TRPC6: variants seen among roughly 807,000 people sequenced by gnomAD.
TRPC6 encodes transient receptor potential cation channel subfamily C member 6, also known as short transient receptor potential channel 6.
In TRPC6, 55 loss-of-function variants were observed where a neutral mutation model predicts 90.7. That is an observed-to-expected ratio of 0.61 (90% CI 0.49 to 0.76). The LOEUF is 0.76. Ranked by LOEUF, TRPC6 falls within the 30% of genes least tolerant of loss-of-function variation. The probability of loss-of-function intolerance (pLI) is 0.00; values close to 1 mark genes in which losing one functional copy is unlikely to be tolerated. For missense variants in TRPC6, 989 were observed against 1,122.7 expected (o/e 0.88, Z 1.70); for synonymous variants, 393 against 393.0 (o/e 1.00, Z 0.00).
At chr11:101,563,916 G>C (rs193088401) in intron 1 of TRPC6, among the ~76,000 whole-genome samples, 11 of 152,274 alleles carry the variant, frequency 7.2e-5, no homozygotes, top group African/African-American at 2.6e-4. Flanking sequence ...GAGTGAGAAA[G>C]AGATGACCAG....
rs532548161 is a variant in TRPC6, at chr11:101,544,510, G to T, written c.170+38824C>A. ...ACCCATCAATGATATACTTGATAAA[G>T]AAATTGTGGCTCATATACACCATGG... On this transcript the variant is annotated intron_variant, in intron 1 of 12. Coordinates refer to ENST00000344327, the MANE Select transcript of TRPC6 (RefSeq NM_004621.6). Among the ~76,000 whole-genome samples the T allele has an allele frequency of 3.0e-4, 46 of 152,272 alleles. No homozygotes were observed. In the South Asian group the frequency reaches 3.7e-3, roughly 12 times the overall value.
intron 1 of TRPC6, among the ~76,000 whole-genome samples, chr11:101,573,220 T>C (rs1274039415): frequency 6.8e-6 from 1 of 147,270 alleles, no homozygotes; most frequent in Non-Finnish European, 1.5e-5. Context: ...TCACAAATAT[T>C]TCTTGAGTCC....
rs531075195 is a variant in TRPC6 at position 101,518,631 on chromosome 11, G to A, written c.171-13833C>T. Among the ~76,000 whole-genome samples, 63 of 152,258 alleles carry A rather than the reference G, an allele frequency of 4.1e-4. 1 individual carries two copies. The South Asian group carries it at 6.4e-3, about 16-fold the overall frequency. On this transcript the variant is annotated intron_variant, in intron 1 of 12. Transcript: ENST00000344327. The stretch of plus-strand genomic sequence containing the variant: ...TTGGTACTATGAAGAATAGTTTGGA[G>A]GTTCCTCAAAAAACTAAAAATTGAG...
At chr11:101,466,114 C>T (rs1029536770) in intron 10 of TRPC6, among the ~76,000 whole-genome samples, 4 of 152,174 alleles carry the variant, frequency 2.6e-5, no homozygotes, top group Non-Finnish European at 4.4e-5. Context: ...TGCAGAACAG[C>T]AAAGATTGCT....
chr11:101,572,325 G>C (rs1861981325), intron 1 of TRPC6, among the ~76,000 whole-genome samples: 1 of 152,180 alleles, frequency 6.6e-6, no homozygotes, highest in African/African-American at 2.4e-5. Context: ...TCTCATGCTT[G>C]TTATAATGGT....
At chr11:101,571,425 G>A (rs1861961804) in intron 1 of TRPC6, among the ~76,000 whole-genome samples, 1 of 152,130 alleles carries the variant, frequency 6.6e-6, no homozygotes, top group Non-Finnish European at 1.5e-5. Flanking sequence ...AATCAATATT[G>A]TGAAAATGGC....
Position 101,473,772 on chromosome 11 carries a change from G to A in TRPC6, c.1746C>T (p.Ala582=). The A allele has an allele frequency of 6.2e-7, 1 of 1,613,522 alleles. No individual in the cohort carries two copies. Among genetic ancestry groups the A allele is most frequent in the Non-Finnish European group, 8.5e-7 (1 of 1,179,624 alleles). Residue 582 remains alanine (A), a splice_region_variant and synonymous_variant, in exon 7 of 13, where the codon GCC becomes GCT. Coordinates refer to ENST00000344327, the MANE Select transcript of TRPC6 (RefSeq NM_004621.6). ...LGDNVKYYNL[A]RIKWDPSDPQ... ...GATCAGAGGGGTCCCACTTTATCCT[G>A]GCTAGGAAAAAGCAAAGACAAAGAG...
rs567980111 is a variant in TRPC6, at chr11:101,479,053, T to G, written c.1511-2519A>C. Reference sequence around the variant, plus strand: ...GCCCTCTGAATAAACAAGCCTCAGATTCCACTGGGTCTTACACCATGCCTC... The same window carrying G: ...GCCCTCTGAATAAACAAGCCTCAGAGTCCACTGGGTCTTACACCATGCCTC... On this transcript the variant is annotated intron_variant, in intron 5 of 12. Coordinates refer to ENST00000344327, the MANE Select transcript of TRPC6 (RefSeq NM_004621.6). Among the ~76,000 whole-genome samples the G allele has an allele frequency of 1.1e-4, 16 of 152,276 alleles. No individual in the cohort carries two copies. In the South Asian group the frequency reaches 3.3e-3, roughly 32 times the overall value.
rs1241795173 is a variant in TRPC6 at position 101,483,128 on chromosome 11, A to G, written c.1331T>C (p.Val444Ala). 1 of 1,614,042 alleles carries G rather than the reference A, an allele frequency of 6.2e-7. No homozygotes were observed. Among genetic ancestry groups the G allele is most frequent in the South Asian group, 1.1e-5 (1 of 91,084 alleles). ...AATGGTGAAGGAGGCTGCGTGTGCTACAAACTTCATGAATGGTCCACGCAT... is the reference window on the plus strand; with the variant it reads ...AATGGTGAAGGAGGCTGCGTGTGCTGCAAACTTCATGAATGGTCCACGCAT... ...KIMRGPFMKFVAHAASFTIFL... is the reference protein window; with the variant it reads ...KIMRGPFMKFAAHAASFTIFL... Residue 444 changes from valine (V) to alanine (A), a missense_variant, in exon 5 of 13, where the codon GTA (valine) becomes GCA (alanine). Val to Ala is a moderately conservative substitution (Grantham distance 64). Coordinates refer to ENST00000344327, the MANE Select transcript of TRPC6 (RefSeq NM_004621.6).
chr11:101,515,366 G>T (rs1278530349), intron 1 of TRPC6, among the ~76,000 whole-genome samples: 1 of 152,120 alleles, frequency 6.6e-6, no homozygotes, highest in Non-Finnish European at 1.5e-5. Context: ...TTAATCTTCG[G>T]AATACTCTGT....
intron 1 of TRPC6, among the ~76,000 whole-genome samples, chr11:101,529,735 T>C (rs529435248): frequency 6.6e-6 from 1 of 152,328 alleles, no homozygotes; most frequent in Admixed American, 6.5e-5. Context: ...GGCCCCCTGC[T>C]CATATACCCA....
intron 1 of TRPC6, among the ~76,000 whole-genome samples, chr11:101,559,189 A>C (rs566214132): frequency 6.6e-6 from 1 of 152,280 alleles, no homozygotes; most frequent in East Asian, 1.9e-4. Context: ...ATAATAAATG[A>C]GCAAGAGACC....
At chr11:101,471,501 A>G in intron 8 of TRPC6, 115 bp from the exon 9 acceptor site, 1 of 1,081,942 alleles carries the variant, frequency 9.2e-7, no homozygotes, top group South Asian at 1.3e-5. Flanking sequence ...CTCAGACCCC[A>G]GTGATCGTTC....
intron 2 of TRPC6, among the ~76,000 whole-genome samples, chr11:101,496,221 C>A (rs746559360): frequency 1.2e-4 from 19 of 152,164 alleles, no homozygotes; most frequent in Non-Finnish European, 2.2e-4. Flanking sequence ...CCAGGCCCCT[C>A]CTCCAATTCA....
chr11:101,566,150 A>T (rs1428994703), intron 1 of TRPC6, among the ~76,000 whole-genome samples: 1 of 152,226 alleles, frequency 6.6e-6, no homozygotes, highest in African/African-American at 2.4e-5. Flanking sequence ...TTTCTAGAAG[A>T]CAGGTTACAA....
intron 1 of TRPC6, among the ~76,000 whole-genome samples, chr11:101,570,436 C>T (rs978698853): frequency 6.6e-6 from 1 of 152,138 alleles, no homozygotes; most frequent in Non-Finnish European, 1.5e-5. Context: ...CCAAATTCTA[C>T]CAGAAGTACA....
chr11:101,547,872 G>C (rs1565238284), intron 1 of TRPC6, among the ~76,000 whole-genome samples: 1 of 152,116 alleles, frequency 6.6e-6, no homozygotes, highest in Non-Finnish European at 1.5e-5. Flanking sequence ...TCAACATTCA[G>C]AATCATATAG....
At chr11:101,516,648 C>T (rs1326281603) in intron 1 of TRPC6, among the ~76,000 whole-genome samples, 1 of 152,210 alleles carries the variant, frequency 6.6e-6, no homozygotes, top group Non-Finnish European at 1.5e-5. Flanking sequence ...AGGCTCCTAA[C>T]ATGAGATAAG....
intron 1 of TRPC6, among the ~76,000 whole-genome samples, chr11:101,570,543 T>C (rs1387631316): frequency 1.3e-5 from 2 of 152,218 alleles, no homozygotes; most frequent in South Asian, 2.1e-4. Flanking sequence ...ATCATCCTGA[T>C]ACCAACACCT....
Sources: gnomAD v4.1 joint callset for allele counts (sites outside exome capture counted in the v4.1 genomes callset) on GRCh38, gnomAD v4.1.1 for gene constraint, MANE v1.5 for transcripts, NCBI Gene and HGNC (gene_info 2026-07-23, HGNC 2026-07-21) for gene names.